The following WHRN variants were observed in gnomAD, a reference collection of about 807,000 sequenced individuals.
The protein encoded by WHRN is whirlin.
WHRN carries 41 observed loss-of-function variants against 68.3 expected under a neutral mutation model. That is an observed-to-expected ratio of 0.60 (90% confidence interval 0.47 to 0.78). The LOEUF (loss-of-function observed/expected upper bound fraction) is 0.78, where lower values mean the gene tolerates loss of function less well. Among genes scored for constraint, WHRN ranks in the 30% least tolerant of loss-of-function variants. WHRN has a pLI of 0.00. For missense variants in WHRN, 1,243 were observed against 1,244.7 expected, an observed-to-expected ratio of 1.00 and a Z score of 0.02; for synonymous variants, 560 against 561.3, an observed-to-expected ratio of 1.00 and a Z score of 0.03.
intron 3 of WHRN, among the ~76,000 whole-genome samples, chr9:114,430,269 G>C (rs1270303131): frequency 6.6e-6 from 1 of 152,132 alleles, no homozygotes; most frequent in Non-Finnish European, 1.5e-5. Context: ...AAGGTTGCCG[G>C]ATAAAATATA....
intron 3 of WHRN, among the ~76,000 whole-genome samples, chr9:114,450,499 G>A (rs1839225012): frequency 6.6e-6 from 1 of 152,136 alleles, no homozygotes; most frequent in Non-Finnish European, 1.5e-5. Context: ...AAGTGGCCAT[G>A]GGCAAATCAC....
intron 1 of WHRN, among the ~76,000 whole-genome samples, chr9:114,488,979 T>C (rs1212640909): frequency 6.6e-6 from 1 of 152,168 alleles, no homozygotes; most frequent in Non-Finnish European, 1.5e-5. Flanking sequence ...ACAGTGCATC[T>C]TGGGCCTGTG....
chr9:114,406,261 A>G (rs1835015446), intron 9 of WHRN, 94 bp downstream of exon 9: 1 of 1,564,014 alleles, frequency 6.4e-7, no homozygotes, highest in Non-Finnish European at 8.7e-7. Flanking sequence ...CTCAACAAGT[A>G]GCTGGTCCCC....
intron 2 of WHRN, among the ~76,000 whole-genome samples, chr9:114,467,010 G>A (rs1203011348): frequency 6.6e-6 from 1 of 151,238 alleles, no homozygotes; most frequent in Non-Finnish European, 1.5e-5. Context: ...TCACCCCAGG[G>A]GTCTCCTGTC....
chr9:114,477,850 A>G (rs1327949156), intron 2 of WHRN, among the ~76,000 whole-genome samples: 1 of 152,220 alleles, frequency 6.6e-6, no homozygotes, highest in East Asian at 1.9e-4. Context: ...AATCCTGGCC[A>G]CATTCCTGGC....
chr9:114,412,778 G>C (rs1433960210), intron 7 of WHRN, among the ~76,000 whole-genome samples: 1 of 152,188 alleles, frequency 6.6e-6, no homozygotes, highest in Non-Finnish European at 1.5e-5. Flanking sequence ...AAATGAAGAG[G>C]GGCAACCTTT....
chr9:114,405,201 A>G lies in WHRN; in HGVS notation c.2237-1124T>C, dbSNP rs150417959. Among the ~76,000 whole-genome samples, 474 of 150,348 alleles carry G rather than the reference A, an allele frequency of 3.2e-3. 1 individual carries two copies. The highest frequency in any genetic ancestry group is 0.011 in the African/African-American group (458 of 40,798). On this transcript the variant is annotated intron_variant, in intron 9 of 11. Transcript: ENST00000362057. Reference sequence around the variant, plus strand: ...GTGGTCCTCCCACCTCAGCCTTCTGAGTAGCTGGGACTACAGGTGCCCACC... The same window carrying G: ...GTGGTCCTCCCACCTCAGCCTTCTGGGTAGCTGGGACTACAGGTGCCCACC...
At chr9:114,404,679 T>C (rs1322940747) in intron 9 of WHRN, among the ~76,000 whole-genome samples, 1 of 152,126 alleles carries the variant, frequency 6.6e-6, no homozygotes, top group Non-Finnish European at 1.5e-5. Flanking sequence ...CAGGTCAGGT[T>C]TGAATTCCCA....
intron 3 of WHRN, among the ~76,000 whole-genome samples, chr9:114,452,342 G>C (rs1462827052): frequency 1.3e-5 from 2 of 152,186 alleles, no homozygotes; most frequent in Non-Finnish European, 2.9e-5. Context: ...GCAGAAGTGG[G>C]GAGAGCTGGC....
chr9:114,471,403 T>G (rs1841207545), intron 2 of WHRN, among the ~76,000 whole-genome samples: 1 of 152,090 alleles, frequency 6.6e-6, no homozygotes, highest in African/African-American at 2.4e-5. Flanking sequence ...GGGGCTAAGA[T>G]TCACATACCC....
At position 114,471,785 on chromosome 9, in the gene WHRN, G is replaced by A. The variant is rs191238203; in HGVS notation, c.838-5393C>T. ...GTTTTGGCCAAGAGGCATGGTGGGG[G>A]ATGTCTGCTAGGGGATTCTGGGTAA... On this transcript the variant is annotated intron_variant, in intron 2 of 11. Transcript: ENST00000362057. Among the ~76,000 whole-genome samples the A allele has an allele frequency of 4.6e-5, 7 of 152,340 alleles. No homozygotes were observed. The East Asian group carries it at 1.4e-3, about 29-fold the overall frequency.
intron 3 of WHRN, among the ~76,000 whole-genome samples, chr9:114,464,339 C>T (rs1840485672): frequency 6.6e-6 from 1 of 152,138 alleles, no homozygotes; most frequent in African/African-American, 2.4e-5. Context: ...GGCTTATAAG[C>T]AACAGAAATT....
chr9:114,500,231 A>G (rs1564240986), intron 1 of WHRN, among the ~76,000 whole-genome samples: 1 of 152,230 alleles, frequency 6.6e-6, no homozygotes, highest in Non-Finnish European at 1.5e-5. Context: ...ACAGGACCCA[A>G]GAGTGAAAAC....
intron 2 of WHRN, among the ~76,000 whole-genome samples, chr9:114,467,156 T>C (rs1459799733): frequency 2.0e-5 from 3 of 151,406 alleles, no homozygotes; most frequent in African/African-American, 2.4e-5. Flanking sequence ...TCCTATCACC[T>C]GGGGGGGTCT....
intron 8 of WHRN, among the ~76,000 whole-genome samples, chr9:114,407,220 T>C (rs1027064820): frequency 3.2e-4 from 48 of 152,158 alleles, no homozygotes; most frequent in Non-Finnish European, 6.3e-4. Context: ...ATACAAAAAA[T>C]GCATTTATTT....
At chr9:114,470,692 G>C (rs928870107) in intron 2 of WHRN, among the ~76,000 whole-genome samples, 3 of 152,116 alleles carry the variant, frequency 2.0e-5, no homozygotes, top group Non-Finnish European at 1.5e-5. Context: ...CCCCATTCCT[G>C]CCACGCCTGG....
intron 1 of WHRN, among the ~76,000 whole-genome samples, chr9:114,492,131 A>G (rs1843034085): frequency 6.6e-6 from 1 of 152,180 alleles, no homozygotes; most frequent in Non-Finnish European, 1.5e-5. Flanking sequence ...CAGTGTCGGC[A>G]TGGCTGGAGA....
In WHRN at chr9:114,403,234, T is replaced by C. The variant is rs530445955; in HGVS notation, c.2524A>G (p.Arg842Gly). The C allele has an allele frequency of 6.2e-7, 1 of 1,614,118 alleles. No individual in the cohort carries two copies. Among genetic ancestry groups the C allele is most frequent in the African/African-American group, 1.3e-5 (1 of 75,040 alleles). Residue 842 changes from arginine to glycine, a missense_variant, in exon 11 of 12, where the codon AGG becomes GGG. By Grantham distance (125) the Arg-to-Gly change is moderately radical. Coordinates refer to ENST00000362057, the MANE Select transcript of WHRN (RefSeq NM_015404.4). The part of the protein sequence containing the change: ...GGANTRQPLP[R>G]IVTIQRGGSA... ...GGACATACCTGAATAGTGACAATCC[T>C]AGGCAGGGGCTGGCGGGTGTTGGCG...
At chr9:114,418,435 C>T (rs1835987414) in intron 7 of WHRN, among the ~76,000 whole-genome samples, 2 of 152,206 alleles carry the variant, frequency 1.3e-5, no homozygotes, top group African/African-American at 2.4e-5. Context: ...GCCCACAGAC[C>T]TCTGGGTGTG....
Sources: gnomAD v4.1 joint callset for allele counts (sites outside exome capture counted in the v4.1 genomes callset) on GRCh38, gnomAD v4.1.1 for gene constraint, MANE v1.5 for transcripts, NCBI Gene and HGNC (gene_info 2026-07-23, HGNC 2026-07-21) for gene names.